ROBO2: variants seen among roughly 807,000 people sequenced by gnomAD.
ROBO2 encodes the protein roundabout homolog 2.
A neutral mutation model predicts 160.8 loss-of-function variants in ROBO2; 53 were observed. That is an observed-to-expected ratio of 0.33 (90% confidence interval 0.26 to 0.41). The LOEUF is 0.41. Among genes scored for constraint, ROBO2 ranks in the 10% least tolerant of loss-of-function variants. The pLI is 1.00. For missense variants in ROBO2, 1,577 were observed against 1,722.4 expected (o/e 0.92, Z 1.49); for synonymous variants, 664 against 611.7 (o/e 1.09, Z -1.26).
intron 2 of ROBO2, among the ~76,000 whole-genome samples, chr3:76,779,731 T>A (rs560547032): frequency 6.0e-5 from 9 of 151,148 alleles, no homozygotes; most frequent in Admixed American, 5.3e-4. Context: ...GTAAAAATTT[T>A]CCTTTTTTAA....
chr3:75,987,164 A>T lies in ROBO2; in HGVS notation c.109+49562A>T, dbSNP rs1420352994. ...TAAGATTGCTTTGGGTAGTATTAAC[A>T]TCTTAAAAATATTAAGTCTTCCAAC... is the stretch of plus-strand genomic sequence containing the variant. On this transcript the variant is annotated intron_variant, in intron 2 of 26. Coordinates refer to the ROBO2 transcript ENST00000487694. Among the ~76,000 whole-genome samples, 4 of 151,982 alleles carry T rather than the reference A, an allele frequency of 2.6e-5. No homozygotes were observed. In the East Asian group the frequency reaches 7.7e-4, roughly 29 times the overall value.
Position 76,449,247 on chromosome 3 carries a change from C to A in ROBO2, c.109+511645C>A, listed in dbSNP as rs1006480815. Among the ~76,000 whole-genome samples, 8 of 151,958 alleles carry A rather than the reference C, an allele frequency of 5.3e-5. No homozygotes were observed. In the South Asian group the frequency reaches 1.7e-3, roughly 32 times the overall value. ...GTTATGTATTTTTTATAAATTATAT[C>A]CAAAAATGAAAATTAAAAAGGATGA... On this transcript the variant is annotated intron_variant, in intron 2 of 26. Transcript: ENST00000487694.
At chr3:77,366,657 A>C (rs996520316) in intron 2 of ROBO2, among the ~76,000 whole-genome samples, 21 of 152,292 alleles carry the variant, frequency 1.4e-4, no homozygotes, top group Non-Finnish European at 2.1e-4. Context: ...GCTGTACAAG[A>C]AGCATGATGC....
intron 6 of ROBO2, among the ~76,000 whole-genome samples, chr3:77,537,296 CT>C (rs1322235858): frequency 6.6e-6 from 1 of 152,012 alleles, no homozygotes; most frequent in African/African-American, 2.4e-5. Context: ...GGAGGAGGTT[CT>C]GATATTATAT....
At chr3:76,378,818 G>A (rs2076478162) in intron 2 of ROBO2, among the ~76,000 whole-genome samples, 1 of 152,172 alleles carries the variant, frequency 6.6e-6, no homozygotes, top group African/African-American at 2.4e-5. Context: ...GGAAATGCAA[G>A]AGTCATGAAA....
At chr3:76,647,207 G>T (rs1394207588) in intron 2 of ROBO2, among the ~76,000 whole-genome samples, 1 of 152,162 alleles carries the variant, frequency 6.6e-6, no homozygotes, top group African/African-American at 2.4e-5. Flanking sequence ...TGTCTCTGAG[G>T]GGGGCTATGA....
intron 2 of ROBO2, among the ~76,000 whole-genome samples, chr3:77,264,601 A>C (rs1405145980): frequency 6.6e-6 from 1 of 152,148 alleles, no homozygotes; most frequent in Non-Finnish European, 1.5e-5. Context: ...TTAGTTTGTC[A>C]ACTGGATCCT....
chr3:77,288,723 C>A lies in ROBO2; in HGVS notation c.389-188691C>A, dbSNP rs1206839770. Among the ~76,000 whole-genome samples the A allele has an allele frequency of 2.0e-5, 3 of 151,896 alleles. No homozygotes were observed. In the South Asian group the frequency reaches 6.2e-4, roughly 32 times the overall value. On this transcript the variant is annotated intron_variant, in intron 2 of 25. Coordinates refer to ENST00000461745, the Ensembl canonical transcript of ROBO2. ...AACAGAATGTGTTACAACGGATCTA[C>A]AATTAGAGGATTGCATTCATATGTA...
chr3:77,291,148 T>A (rs1227174118), intron 2 of ROBO2, among the ~76,000 whole-genome samples: 3 of 149,264 alleles, frequency 2.0e-5, no homozygotes, highest in Non-Finnish European at 3.0e-5. Flanking sequence ...AACTGATGGT[T>A]AAACGGGAAG....
intron 2 of ROBO2, among the ~76,000 whole-genome samples, chr3:76,961,180 C>G (rs2079621439): frequency 6.7e-6 from 1 of 148,522 alleles, no homozygotes; most frequent in Non-Finnish European, 1.5e-5. Flanking sequence ...AAAGACAGAC[C>G]CTGCTCAATC....
chr3:76,666,024 T>A lies in ROBO2; in HGVS notation c.110-431990T>A, dbSNP rs528560912. Among the ~76,000 whole-genome samples the A allele has an allele frequency of 2.5e-5, 3 of 122,436 alleles. No individual in the cohort carries two copies. In the Admixed American group the frequency reaches 2.5e-4, roughly 10 times the overall value. 80.3% of individuals were successfully genotyped at this position (122,436 alleles called of 152,430 possible). A position where few individuals can be genotyped will look rare whatever the true frequency, so the allele number is the denominator to read the frequency against. ...TATATAATATATACATATTATATAT[T>A]ATATATATTATATATATACTAGATA... On this transcript the variant is annotated intron_variant, in intron 2 of 26. Coordinates refer to the ROBO2 transcript ENST00000487694.
In ROBO2 at chr3:75,996,100, CTTCAGGGGACTG is replaced by C. The variant is rs142813356; in HGVS notation, c.109+58501_109+58512del. On this transcript the variant is annotated intron_variant, in intron 2 of 26. Coordinates refer to the ROBO2 transcript ENST00000487694. ...GGGTTAATTCTGGAATGAGGTAAGA[CTTCAGGGGACTG>C]TTGAGAAGGCATGGTTTGTTTTGAA... Among the ~76,000 whole-genome samples, 1,044 of 152,246 alleles carry C rather than the reference CTTCAGGGGACTG, an allele frequency of 6.9e-3. 63 individuals are homozygous for C. The East Asian group carries it at 0.17, about 25-fold the overall frequency.
chr3:76,328,525 G>C (rs1387300548), intron 2 of ROBO2, among the ~76,000 whole-genome samples: 2 of 152,140 alleles, frequency 1.3e-5, no homozygotes, highest in African/African-American at 4.8e-5. Context: ...AGGAGATCGA[G>C]ACCATCCTGG....
At chr3:76,090,486 A>G (rs764265578) in intron 2 of ROBO2, among the ~76,000 whole-genome samples, 5 of 152,188 alleles carry the variant, frequency 3.3e-5, no homozygotes, top group Non-Finnish European at 7.4e-5. Flanking sequence ...ATGTTTTTCT[A>G]TAAAAACCTC....
At chr3:76,790,286 C>A (rs2063273828) in intron 2 of ROBO2, among the ~76,000 whole-genome samples, 1 of 151,598 alleles carries the variant, frequency 6.6e-6, no homozygotes, top group Non-Finnish European at 1.5e-5. Flanking sequence ...TTTAGCCAAA[C>A]TTGAGCTTTT....
intron 2 of ROBO2, among the ~76,000 whole-genome samples, chr3:75,944,095 C>CTTTT (rs1948174669): frequency 6.6e-6 from 1 of 151,970 alleles, no homozygotes; most frequent in African/African-American, 2.4e-5. Context: ...GACTTTCCTG[C>CTTTT]CAGAAAAGTA....
intron 2 of ROBO2, among the ~76,000 whole-genome samples, chr3:77,110,496 GC>G (rs1212797077): frequency 6.6e-6 from 1 of 151,620 alleles, no homozygotes. Flanking sequence ...AAAGGAGGAA[GC>G]ATAGCCTTTT....
intron 1 of ROBO2, among the ~76,000 whole-genome samples, chr3:75,912,892 T>C (rs993601893): frequency 6.6e-6 from 1 of 152,234 alleles, no homozygotes; most frequent in African/African-American, 2.4e-5. Context: ...TTGCACTTTA[T>C]TTCCTTTGCT....
chr3:76,308,041 C>T (rs1374550222), intron 2 of ROBO2, among the ~76,000 whole-genome samples: 1 of 152,058 alleles, frequency 6.6e-6, no homozygotes, highest in Admixed American at 6.6e-5. Context: ...GTGACTTAAA[C>T]TCTCTGTGCC....
Sources: gnomAD v4.1 joint callset for allele counts (sites outside exome capture counted in the v4.1 genomes callset) on GRCh38, gnomAD v4.1.1 for gene constraint, MANE v1.5 for transcripts, NCBI Gene and HGNC (gene_info 2026-07-23, HGNC 2026-07-21) for gene names.